Variants in CYREN observed in about 807,000 individuals in gnomAD.
CYREN encodes cell cycle regulator of NHEJ, also known as cell cycle regulator of non-homologous end joining.
A neutral mutation model predicts 9.7 loss-of-function variants in CYREN; 7 were observed. The observed-to-expected ratio is 0.72, with a 90% CI of 0.41 to 1.36. The LOEUF (loss-of-function observed/expected upper bound fraction) is 1.36, where lower values mean the gene tolerates loss of function less well. Ranked by LOEUF, CYREN falls within the 40% of genes most tolerant of loss-of-function variation. The pLI, the probability that CYREN is intolerant of heterozygous loss-of-function variation, is 0.01. For missense variants in CYREN, 215 were observed against 198.1 expected (o/e 1.09, Z -0.51); for synonymous variants, 76 against 77.9 (o/e 0.98, Z 0.13).
intron 2 of CYREN, among the ~76,000 whole-genome samples, chr7:135,142,032 G>C (rs893508906): frequency 2.6e-5 from 4 of 152,100 alleles, no homozygotes; most frequent in African/African-American, 9.7e-5. Context: ...TTGTTGTTGG[G>C]TGGGGTGTTC....
chr7:135,110,377 A>G (rs1264189314), intron 2 of CYREN, among the ~76,000 whole-genome samples: 5 of 152,200 alleles, frequency 3.3e-5, no homozygotes, highest in African/African-American at 2.4e-5. Context: ...TTTTGCTGGG[A>G]AACCCGAGTA....
chr7:135,168,241 ACCGAGTGCTGGGGCCCCG>A (rs138443152), intron 2 of CYREN: 2,327 of 169,444 alleles, frequency 0.014, 81 homozygotes, highest in African/African-American at 0.059. Flanking sequence ...AGAGGGAAAC[ACCGAGTGCTGGGGCCCCG>A]CCCACTTCAC....
chr7:135,105,528 G>A (rs1269758155), intron 2 of CYREN, among the ~76,000 whole-genome samples: 1 of 152,226 alleles, frequency 6.6e-6, no homozygotes, highest in African/African-American at 2.4e-5. Flanking sequence ...ATTTGTAGAA[G>A]ATCAGATGGT....
At chr7:135,170,740 G>GGGTCCCGCA (rs1830608864), upstream of CYREN, 2 of 152,144 alleles carry the variant, frequency 1.3e-5, no homozygotes, top group Non-Finnish European at 2.9e-5. Context: ...CGCGCGCTCC[G>GGGTCCCGCA]GGGTCCCGCG....
chr7:135,141,558 C>G (rs1829452927), intron 2 of CYREN, among the ~76,000 whole-genome samples: 1 of 152,000 alleles, frequency 6.6e-6, no homozygotes, highest in East Asian at 1.9e-4. Context: ...TCATTCAGTT[C>G]AGCTCTGATT....
downstream of CYREN, chr7:135,164,923 T>C: frequency 6.2e-7 from 1 of 1,614,118 alleles, no homozygotes; most frequent in South Asian, 1.1e-5. Flanking sequence ...CAGGCCTTAC[T>C]CATCCTCTTG....
In CYREN at chr7:135,166,451, A is replaced by G. The variant is rs373360039; in HGVS notation, c.*160T>C. The G allele has an allele frequency of 9.5e-4, 1,145 of 1,199,006 alleles. 15 individuals carry two copies. The East Asian group carries it at 0.026, about 27-fold the overall frequency. The allele number at this position is 1,199,006 out of a possible 1,614,324, so 74.3% of individuals were successfully genotyped here. A position where few individuals can be genotyped will look rare whatever the true frequency, so the allele number is the denominator to read the frequency against. On this transcript the variant is annotated 3_prime_UTR_variant, in exon 4 of 4. Transcript: ENST00000393114. The stretch of plus-strand genomic sequence containing the variant: ...GGCAGCCCCAAGGCCCGGAGTGTCC[A>G]GGGGCTTCTGGCCTGAGGTGAATCT...
At chr7:135,094,480 ACTC>A (rs907172100) in exon 3 of CYREN, 3 of 456,034 alleles carry the variant, frequency 6.6e-6, no homozygotes, top group Non-Finnish European at 1.3e-5. Context: ...AAAGTGAGAA[ACTC>A]CTGGTGGCCA....
chr7:135,140,816 G>C (rs901773369), intron 2 of CYREN, among the ~76,000 whole-genome samples: 1 of 151,868 alleles, frequency 6.6e-6, no homozygotes, highest in Non-Finnish European at 1.5e-5. Flanking sequence ...CTATTAAGAT[G>C]ATCAATAGAT....
intron 3 of CYREN, chr7:135,167,086 G>A (rs938298861): frequency 2.0e-6 from 2 of 985,208 alleles, no homozygotes; most frequent in Admixed American, 1.2e-4. Context: ...AACCCACTCG[G>A]GAGAGAAGCA....
intron 2 of CYREN, among the ~76,000 whole-genome samples, chr7:135,140,117 A>G (rs538966066): frequency 6.6e-6 from 1 of 152,162 alleles, no homozygotes; most frequent in African/African-American, 2.4e-5. Flanking sequence ...TTGTAGTTTG[A>G]TAAAGAATAC....
intron 2 of CYREN, among the ~76,000 whole-genome samples, chr7:135,152,593 A>C (rs906713277): frequency 6.6e-6 from 1 of 152,224 alleles, no homozygotes; most frequent in Non-Finnish European, 1.5e-5. Flanking sequence ...CATATAGTAA[A>C]TTCTCAAGAG....
intron 2 of CYREN, among the ~76,000 whole-genome samples, chr7:135,117,643 A>G (rs1826515797): frequency 6.6e-6 from 1 of 152,246 alleles, no homozygotes; most frequent in Non-Finnish European, 1.5e-5. Context: ...TAAGAAAAAC[A>G]ACAACAACAA....
chr7:135,159,100 G>A (rs923764386), intron 2 of CYREN, among the ~76,000 whole-genome samples: 14 of 152,190 alleles, frequency 9.2e-5, no homozygotes, highest in Non-Finnish European at 1.3e-4. Flanking sequence ...AGCCTCTCCC[G>A]ACTCTCAGTC....
downstream of CYREN, chr7:135,165,122 G>C: frequency 1.6e-6 from 2 of 1,286,602 alleles, no homozygotes; most frequent in African/African-American, 1.5e-5. Context: ...CTACAGAGGA[G>C]GTGGGGCCCC....
chr7:135,115,435 G>C (rs1282387237), intron 2 of CYREN: 2 of 1,551,252 alleles, frequency 1.3e-6, no homozygotes, highest in East Asian at 4.9e-5. Context: ...TCCAAAGCAA[G>C]AAGACTGGCA....
intron 2 of CYREN, among the ~76,000 whole-genome samples, chr7:135,107,969 T>A (rs1289586636): frequency 6.6e-6 from 1 of 152,064 alleles, no homozygotes; most frequent in Admixed American, 6.6e-5. Flanking sequence ...TTATGTAATG[T>A]CTTTATCTTT....
chr7:135,134,888 G>A, intron 2 of CYREN: 1 of 1,551,000 alleles, frequency 6.4e-7, no homozygotes, highest in Non-Finnish European at 8.7e-7. Flanking sequence ...AGCACATCTT[G>A]GACAGCACCC....
At chr7:135,170,983 G>A (rs966928537), upstream of CYREN, among the ~76,000 whole-genome samples, 1 of 152,260 alleles carries the variant, frequency 6.6e-6, no homozygotes, top group African/African-American at 2.4e-5. Flanking sequence ...GGCCCCTGAA[G>A]TTAGCGGAAG....
Sources: allele counts gnomAD v4.1 joint callset (sites outside exome capture counted in the v4.1 genomes callset), GRCh38; gene constraint gnomAD v4.1.1; transcripts MANE v1.5; gene names NCBI Gene and HGNC (gene_info 2026-07-23, HGNC 2026-07-21).